Variants in TUSC3 observed in about 807,000 individuals in gnomAD.
TUSC3 encodes dolichyl-diphosphooligosaccharide--protein glycosyltransferase subunit TUSC3.
A neutral mutation model predicts 44.8 loss-of-function variants in TUSC3; 45 were observed. That is an observed-to-expected ratio of 1.00 (90% CI 0.79 to 1.29). The LOEUF is 1.29. TUSC3 is among the 50% of genes most tolerant of loss of function. The pLI, the probability that TUSC3 is intolerant of heterozygous loss-of-function variation, is 0.00. For missense variants in TUSC3, 519 were observed against 437.9 expected (o/e 1.19, Z -1.65); for synonymous variants, 212 against 152.9 (o/e 1.39, Z -2.85).
At chr8:15,564,351 A>C (rs183551692) in intron 1 of TUSC3, among the ~76,000 whole-genome samples, 1 of 152,200 alleles carries the variant, frequency 6.6e-6, no homozygotes, top group African/African-American at 2.4e-5. Flanking sequence ...AAATATTCAT[A>C]TACAAATCTT....
chr8:15,485,580 C>G (rs1299455166), intron 2 of TUSC3, among the ~76,000 whole-genome samples: 1 of 150,502 alleles, frequency 6.6e-6, no homozygotes. Flanking sequence ...AACAAAGAGA[C>G]AGATACCTAA....
At chr8:15,772,139 CTT>C in the TUSC3 span, among the ~76,000 whole-genome samples, 1 of 151,734 alleles carries the variant, frequency 6.6e-6, no homozygotes, top group Non-Finnish European at 1.5e-5. Flanking sequence ...CCCAAGTACA[CTT>C]TAAAGAATTG....
At chr8:15,631,668 TTGTGTGTGTG>T (rs147004169) in intron 2 of TUSC3, among the ~76,000 whole-genome samples, 124 of 145,206 alleles carry the variant, frequency 8.5e-4, no homozygotes, top group African/African-American at 8.5e-4. Flanking sequence ...TTTAAGGCTG[TTGTGTGTGTG>T]TGTGTGTGTG....
intron 7 of TUSC3, among the ~76,000 whole-genome samples, chr8:15,735,470 A>G (rs1292720549): frequency 6.6e-6 from 1 of 152,122 alleles, no homozygotes; most frequent in African/African-American, 2.4e-5. Flanking sequence ...TGAGAAAGGG[A>G]TTAATTTGTT....
intron 2 of TUSC3, among the ~76,000 whole-genome samples, chr8:15,638,428 C>T (rs751815454): frequency 6.0e-5 from 9 of 151,188 alleles, no homozygotes; most frequent in Middle Eastern, 3.4e-3. Context: ...GTAATTGTCG[C>T]GTATAGTTTT....
At chr8:15,815,161 T>G in the TUSC3 span, among the ~76,000 whole-genome samples, 1 of 152,146 alleles carries the variant, frequency 6.6e-6, no homozygotes, top group Non-Finnish European at 1.5e-5. Context: ...TACTTGTACA[T>G]AAAAATGTTA....
intron 6 of TUSC3, among the ~76,000 whole-genome samples, chr8:15,686,485 C>G (rs777599869): frequency 6.6e-6 from 1 of 151,732 alleles, no homozygotes; most frequent in Non-Finnish European, 1.5e-5. Context: ...AATTTATCAT[C>G]GAGGCATTTT....
chr8:15,486,734 C>T (rs1447743359), intron 2 of TUSC3, among the ~76,000 whole-genome samples: 2 of 152,250 alleles, frequency 1.3e-5, no homozygotes, highest in South Asian at 4.1e-4. Context: ...CAAGCCACCG[C>T]GCCTGGCCTC....
intron 2 of TUSC3, among the ~76,000 whole-genome samples, chr8:15,493,056 A>G (rs1007796471): frequency 2.6e-5 from 4 of 152,150 alleles, no homozygotes; most frequent in Non-Finnish European, 4.4e-5. Context: ...ACTGTGTTCT[A>G]TGAACAGTGC....
At chr8:15,717,715 AC>A (rs1244997911) in intron 6 of TUSC3, among the ~76,000 whole-genome samples, 24 of 152,208 alleles carry the variant, frequency 1.6e-4, no homozygotes, top group African/African-American at 5.5e-4. Context: ...TAAATTGGCC[AC>A]CAAAATTCTA....
chr8:15,574,711 A>C (rs779495048), intron 1 of TUSC3, among the ~76,000 whole-genome samples: 3 of 151,948 alleles, frequency 2.0e-5, no homozygotes, highest in Non-Finnish European at 4.4e-5. Context: ...ACATTTTTTC[A>C]TTTTCTTTTG....
chr8:15,484,106 T>C (rs181438375), intron 2 of TUSC3, among the ~76,000 whole-genome samples: 25 of 152,342 alleles, frequency 1.6e-4, no homozygotes, highest in Admixed American at 1.4e-3. Context: ...CATGCACTTA[T>C]GCAACCATAA....
rs369159072 is a variant in TUSC3 at position 15,583,549 on chromosome 8, A to G, written c.139-39531A>G. Among the ~76,000 whole-genome samples the G allele has an allele frequency of 5.3e-5, 8 of 152,346 alleles. 1 individual carries two copies. The highest frequency in any genetic ancestry group is 1.9e-4 in the African/African-American group (8 of 41,594). On this transcript the variant is annotated intron_variant, in intron 1 of 10. Coordinates refer to ENST00000503731, the MANE Select transcript of TUSC3 (RefSeq NM_006765.4). The stretch of plus-strand genomic sequence containing the variant: ...CTTTTTCTTTGTAGCTCCAGAGAGC[A>G]AAACTAGATCCCGTGGATGGTAAAT...
intron 1 of TUSC3, among the ~76,000 whole-genome samples, chr8:15,615,068 A>G (rs551081260): frequency 5.3e-5 from 8 of 152,296 alleles, no homozygotes; most frequent in African/African-American, 1.7e-4. Flanking sequence ...TTTAAAAACC[A>G]GAAATACAAC....
At chr8:15,733,306 A>T in intron 7 of TUSC3, 1 of 364,858 alleles carries the variant, frequency 2.7e-6, no homozygotes, top group South Asian at 2.1e-5. Flanking sequence ...CATTTGTTGC[A>T]GGTAAGTTTT....
the TUSC3 span, among the ~76,000 whole-genome samples, chr8:15,775,645 T>TATATACATAC: frequency 9.4e-4 from 126 of 134,502 alleles, no homozygotes; most frequent in African/African-American, 3.1e-3. Context: ...TATATATATA[T>TATATACATAC]ATATACACAC....
chr8:15,719,959 C>T (rs1012777656), intron 6 of TUSC3, among the ~76,000 whole-genome samples: 1 of 151,926 alleles, frequency 6.6e-6, no homozygotes, highest in African/African-American at 2.4e-5. Context: ...CTTACTCTTG[C>T]CCAAGCTAGA....
At chr8:15,698,851 ATT>A (rs572239797) in intron 6 of TUSC3, among the ~76,000 whole-genome samples, 1 of 145,164 alleles carries the variant, frequency 6.9e-6, no homozygotes, top group Admixed American at 6.9e-5. Context: ...TCTTTTTTTC[ATT>A]TTTTTTTTTT....
chr8:15,437,699 C>G (rs1456466945), intron 1 of TUSC3, among the ~76,000 whole-genome samples: 4 of 152,162 alleles, frequency 2.6e-5, no homozygotes, highest in African/African-American at 9.7e-5. Context: ...ACACTTGGCC[C>G]TGTATCCTTC....
Sources: gnomAD v4.1 joint callset for allele counts (sites outside exome capture counted in the v4.1 genomes callset) on GRCh38, gnomAD v4.1.1 for gene constraint, MANE v1.5 for transcripts, NCBI Gene and HGNC (gene_info 2026-07-23, HGNC 2026-07-21) for gene names.